COL22A1: variants seen among roughly 807,000 people sequenced by gnomAD.
COL22A1 encodes collagen alpha-1(XXII) chain.
COL22A1 carries 221 observed loss-of-function variants against 248.9 expected under a neutral mutation model. That is an observed-to-expected ratio of 0.89 (90% CI 0.80 to 0.99). COL22A1 has a LOEUF of 0.99. Among genes scored for constraint, COL22A1 ranks in the 50% least tolerant of loss-of-function variants. The pLI is 0.00. For synonymous variants in COL22A1, 891 were observed against 793.4 expected (o/e 1.12, Z -2.07); for missense variants, 2,240 against 2,179.0 (o/e 1.03, Z -0.56).
chr8:138,913,074 G>A (rs571043971), intron 1 of COL22A1, among the ~76,000 whole-genome samples: 1 of 75,104 alleles, frequency 1.3e-5, no homozygotes, highest in Non-Finnish European at 2.8e-5. Flanking sequence ...GGCTGGGAGA[G>A]GGGGGATAAA....
At chr8:138,750,727 G>A (rs1023432586) in intron 22 of COL22A1, among the ~76,000 whole-genome samples, 6 of 152,178 alleles carry the variant, frequency 3.9e-5, no homozygotes, top group African/African-American at 1.2e-4. Flanking sequence ...TGTTAACCAT[G>A]TGAACTAGTA....
At chr8:138,605,348 C>T (rs1444129369) in intron 58 of COL22A1, among the ~76,000 whole-genome samples, 1 of 152,120 alleles carries the variant, frequency 6.6e-6, no homozygotes, top group Non-Finnish European at 1.5e-5. Context: ...GGACAAGCAC[C>T]CCACTCTTAT....
chr8:138,760,599 C>T (rs1446292142), intron 17 of COL22A1, among the ~76,000 whole-genome samples: 1 of 152,004 alleles, frequency 6.6e-6, no homozygotes, highest in Non-Finnish European at 1.5e-5. Context: ...GAAGAAGAAG[C>T]ACATAACCAG....
chr8:138,628,754 C>A (rs1301079567), intron 50 of COL22A1, among the ~76,000 whole-genome samples: 3 of 107,228 alleles, frequency 2.8e-5, no homozygotes, highest in African/African-American at 8.5e-5. Flanking sequence ...TATCCTAGAT[C>A]CACATCTTTT....
intron 19 of COL22A1, 90 bp from the exon 20 acceptor site, chr8:138,755,601 A>G: frequency 2.8e-6 from 4 of 1,453,276 alleles, no homozygotes; most frequent in Non-Finnish European, 3.9e-6. Context: ...ATTCATTCAC[A>G]GGCCATGCTG....
chr8:138,595,719 T>C (rs1043798090), intron 62 of COL22A1, among the ~76,000 whole-genome samples: 1 of 151,986 alleles, frequency 6.6e-6, no homozygotes, highest in African/African-American at 2.4e-5. Context: ...AGGGCCGTCT[T>C]GTTTATAGCT....
chr8:138,755,078 G>T, intron 21 of COL22A1, 79 bp downstream of exon 21: 2 of 1,416,372 alleles, frequency 1.4e-6, no homozygotes, highest in Non-Finnish European at 2.0e-6. Context: ...GCTCAGCGCC[G>T]GGAATGACTC....
chr8:138,902,823 C>T lies in COL22A1; in HGVS notation c.-73+10796G>A, dbSNP rs546567385. On this transcript the variant is annotated intron_variant, in intron 1 of 64. Coordinates refer to ENST00000303045, the MANE Select transcript of COL22A1 (RefSeq NM_152888.3). The stretch of plus-strand genomic sequence containing the variant: ...GGCTGGTCTCTGTTATGCCTGAGAG[C>T]GGACAGGAAGTTGTGGGATGGGGTC... Among the ~76,000 whole-genome samples, 32 of 148,544 alleles carry T rather than the reference C, an allele frequency of 2.2e-4. 1 individual carries two copies. Among genetic ancestry groups the T allele is most frequent in the Admixed American group, 1.5e-3 (22 of 14,890 alleles).
intron 41 of COL22A1, among the ~76,000 whole-genome samples, chr8:138,669,926 G>A (rs13258931): frequency 0.54 from 76,457 of 141,404 alleles, 23,141 homozygotes; most frequent in East Asian, 0.69. Flanking sequence ...TCGCTCTGTC[G>A]CTCAGGCTGG....
At chr8:138,788,982 C>A (rs1425942203) in intron 12 of COL22A1, among the ~76,000 whole-genome samples, 1 of 152,214 alleles carries the variant, frequency 6.6e-6, no homozygotes, top group Non-Finnish European at 1.5e-5. Flanking sequence ...TCCAGCCAGT[C>A]TGTGACCGGG....
chr8:138,911,529 C>A (rs1410771837), intron 1 of COL22A1, among the ~76,000 whole-genome samples: 1 of 152,154 alleles, frequency 6.6e-6, no homozygotes, highest in Non-Finnish European at 1.5e-5. Context: ...CAGATGACAG[C>A]GGATGACCAG....
Position 138,818,416 on chromosome 8 carries a change from C to A in COL22A1, c.1245+2720G>T, listed in dbSNP as rs1025888563. 5.9e-5 allele frequency among the ~76,000 whole-genome samples: 9 copies of A among 152,156 alleles called. No homozygotes were observed. The South Asian group carries it at 8.3e-4, about 14-fold the overall frequency. The stretch of plus-strand genomic sequence containing the variant: ...GATTAAGAAGGGTTGTGTTTGTGAC[C>A]GTGATGCACACTCTGAGGGAGATAA... On this transcript the variant is annotated intron_variant, in intron 7 of 64. Transcript: ENST00000303045.
intron 6 of COL22A1, among the ~76,000 whole-genome samples, chr8:138,825,517 CAG>C (rs1819510835): frequency 6.6e-6 from 1 of 152,174 alleles, no homozygotes; most frequent in South Asian, 2.1e-4. Flanking sequence ...AAAATATTCA[CAG>C]AGTTATTATG....
intron 23 of COL22A1, 43 bp from the exon 24 acceptor site, chr8:138,725,483 T>G: frequency 6.4e-7 from 1 of 1,565,520 alleles, no homozygotes; most frequent in South Asian, 1.1e-5. Context: ...TGGGTCCTGA[T>G]GAGCCTCCTA....
intron 12 of COL22A1, among the ~76,000 whole-genome samples, chr8:138,796,389 C>CTTTTTTTTTTTT (rs11284610): frequency 7.6e-5 from 2 of 26,310 alleles, no homozygotes; most frequent in Non-Finnish European, 1.7e-4. Flanking sequence ...TGCTACTTTC[C>CTTTTTTTTTTTT]TTTTTTTTTT....
chr8:138,896,442 C>A (rs1825419085), intron 1 of COL22A1, among the ~76,000 whole-genome samples: 1 of 152,106 alleles, frequency 6.6e-6, no homozygotes, highest in Non-Finnish European at 1.5e-5. Context: ...TCTCTATATG[C>A]ATTGCAGTAC....
chr8:138,614,916 A>G (rs1243151645), intron 55 of COL22A1, among the ~76,000 whole-genome samples: 1 of 152,208 alleles, frequency 6.6e-6, no homozygotes, highest in East Asian at 1.9e-4. Context: ...GTCAAGAGCC[A>G]CTGGGGAAGA....
intron 6 of COL22A1, 141 bp downstream of exon 6, chr8:138,826,517 T>C: frequency 2.4e-6 from 2 of 838,330 alleles, no homozygotes; most frequent in Non-Finnish European, 3.8e-6. Flanking sequence ...GCAGGTCCTC[T>C]GAGCCTCCAT....
chr8:138,595,646 G>T (rs977913383), intron 62 of COL22A1, among the ~76,000 whole-genome samples: 1 of 151,998 alleles, frequency 6.6e-6, no homozygotes, highest in Admixed American at 6.6e-5. Flanking sequence ...GAAAAAGATC[G>T]TGTTCTTTTT....
Sources: allele counts gnomAD v4.1 joint callset (sites outside exome capture counted in the v4.1 genomes callset), GRCh38; gene constraint gnomAD v4.1.1; transcripts MANE v1.5; gene names NCBI Gene and HGNC (gene_info 2026-07-23, HGNC 2026-07-21).